NLGN1: variants seen among roughly 807,000 people sequenced by gnomAD.
The protein encoded by NLGN1 is neuroligin-1.
In NLGN1, 12 loss-of-function variants were observed where a neutral mutation model predicts 65.5. That is an observed-to-expected ratio of 0.18 (90% CI 0.12 to 0.30). The LOEUF (loss-of-function observed/expected upper bound fraction) is 0.30, where lower values mean the gene tolerates loss of function less well. Ranked by LOEUF, NLGN1 falls within the 10% of genes least tolerant of loss-of-function variation. The pLI, the probability that NLGN1 is intolerant of heterozygous loss-of-function variation, is 1.00. For missense variants in NLGN1, 750 were observed against 1,007.1 expected (o/e 0.74, Z 3.46); for synonymous variants, 350 against 359.5 (o/e 0.97, Z 0.30).
At chr3:173,599,697 T>C (rs1750110608) in intron 2 of NLGN1, among the ~76,000 whole-genome samples, 1 of 152,178 alleles carries the variant, frequency 6.6e-6, no homozygotes, top group South Asian at 2.1e-4. Flanking sequence ...CACAGACCTA[T>C]AAGTGCAAAA....
chr3:174,221,148 T>C (rs906650575), intron 4 of NLGN1, among the ~76,000 whole-genome samples: 6 of 152,050 alleles, frequency 3.9e-5, no homozygotes, highest in African/African-American at 1.5e-4. Flanking sequence ...TCCTCTGTTT[T>C]GCCAGCCCAC....
intron 3 of NLGN1, among the ~76,000 whole-genome samples, chr3:173,639,419 C>T (rs1270634626): frequency 6.6e-6 from 1 of 152,132 alleles, no homozygotes; most frequent in Non-Finnish European, 1.5e-5. Flanking sequence ...CTGGGCCAGA[C>T]CTCAGCTGCT....
chr3:173,685,166 G>A (rs1221057504), intron 3 of NLGN1, among the ~76,000 whole-genome samples: 2 of 152,120 alleles, frequency 1.3e-5, no homozygotes, highest in African/African-American at 2.4e-5. Flanking sequence ...ACAGGATGCC[G>A]AGTAGTTGCT....
chr3:174,260,158 T>A (rs1746596203), intron 4 of NLGN1, among the ~76,000 whole-genome samples: 1 of 151,596 alleles, frequency 6.6e-6, no homozygotes, highest in Non-Finnish European at 1.5e-5. Flanking sequence ...TGTGCATGTG[T>A]CTTTATAGCA....
At chr3:173,529,134 C>T (rs1736126030) in intron 2 of NLGN1, among the ~76,000 whole-genome samples, 1 of 151,996 alleles carries the variant, frequency 6.6e-6, no homozygotes, top group Non-Finnish European at 1.5e-5. Context: ...ATTTATTTCC[C>T]ACCCCACCTT....
intron 4 of NLGN1, among the ~76,000 whole-genome samples, chr3:174,137,245 A>G (rs896698049): frequency 1.5e-4 from 23 of 152,148 alleles, no homozygotes; most frequent in African/African-American, 4.8e-4. Flanking sequence ...ATATGTTTCT[A>G]TGTGTTTCCA....
intron 2 of NLGN1, among the ~76,000 whole-genome samples, chr3:173,452,235 G>T (rs1163710094): frequency 6.7e-6 from 1 of 150,000 alleles, no homozygotes; most frequent in African/African-American, 2.5e-5. Context: ...TCGCTCTGTT[G>T]CCCAGGCTGG....
chr3:173,901,647 C>G (rs1737406060), intron 4 of NLGN1, among the ~76,000 whole-genome samples: 1 of 151,988 alleles, frequency 6.6e-6, no homozygotes. Flanking sequence ...AGTAATATCT[C>G]TCTTTGTGGT....
At chr3:174,089,932 C>T (rs986529158) in intron 4 of NLGN1, among the ~76,000 whole-genome samples, 2 of 150,258 alleles carry the variant, frequency 1.3e-5, no homozygotes, top group South Asian at 2.1e-4. Context: ...ATTTGGCAGA[C>T]GTAGGTTTTA....
chr3:173,556,728 T>G (rs1327128950), intron 2 of NLGN1, among the ~76,000 whole-genome samples: 2 of 151,932 alleles, frequency 1.3e-5, no homozygotes, highest in Non-Finnish European at 2.9e-5. Flanking sequence ...TGCTTAAGCC[T>G]AGGATGTCAA....
chr3:173,812,726 A>T (rs1718208831), intron 4 of NLGN1, among the ~76,000 whole-genome samples: 1 of 147,918 alleles, frequency 6.8e-6, no homozygotes, highest in Non-Finnish European at 1.5e-5. Flanking sequence ...GTGTGTATAT[A>T]CACGCACACA....
chr3:174,085,708 T>G (rs544394387), intron 4 of NLGN1, among the ~76,000 whole-genome samples: 1 of 152,210 alleles, frequency 6.6e-6, no homozygotes, highest in Non-Finnish European at 1.5e-5. Flanking sequence ...ATTAAAAATC[T>G]AATGGGCAAA....
At chr3:173,938,321 G>A (rs1396548547) in intron 4 of NLGN1, among the ~76,000 whole-genome samples, 2 of 152,064 alleles carry the variant, frequency 1.3e-5, no homozygotes. Context: ...AGCAGAAAAT[G>A]TAAGAGCCAG....
At chr3:173,675,825 T>C (rs1316748294) in intron 3 of NLGN1, among the ~76,000 whole-genome samples, 1 of 151,452 alleles carries the variant, frequency 6.6e-6, no homozygotes, top group African/African-American at 2.4e-5. Context: ...ATAGAACTGC[T>C]CTCTTTCTCT....
intron 4 of NLGN1, among the ~76,000 whole-genome samples, chr3:173,818,400 T>C (rs918298006): frequency 7.9e-5 from 12 of 152,156 alleles, no homozygotes; most frequent in Admixed American, 2.6e-4. Flanking sequence ...CCTGCATGCA[T>C]TTACAAAATT....
At chr3:173,942,112 GTGT>G (rs1746225648) in intron 4 of NLGN1, among the ~76,000 whole-genome samples, 1 of 119,180 alleles carries the variant, frequency 8.4e-6, no homozygotes, top group South Asian at 2.8e-4. Flanking sequence ...GGTTGGGGGT[GTGT>G]GTGTGTGTGT....
chr3:174,081,035 G>T (rs557455229), intron 4 of NLGN1, among the ~76,000 whole-genome samples: 1 of 151,638 alleles, frequency 6.6e-6, no homozygotes, highest in Non-Finnish European at 1.5e-5. Context: ...AAAATTAAAC[G>T]TGAGAAATCT....
intron 3 of NLGN1, among the ~76,000 whole-genome samples, chr3:173,759,603 T>C (rs1212663234): frequency 6.6e-6 from 1 of 151,966 alleles, no homozygotes; most frequent in Admixed American, 6.6e-5. Flanking sequence ...ATTGGCCACG[T>C]AGCCATCTAC....
intron 4 of NLGN1, among the ~76,000 whole-genome samples, chr3:174,060,761 A>G (rs1737221966): frequency 6.6e-6 from 1 of 152,110 alleles, no homozygotes; most frequent in South Asian, 2.1e-4. Flanking sequence ...AAGAGAAAAT[A>G]TGTAAGAGTG....
Sources: allele counts gnomAD v4.1 joint callset (sites outside exome capture counted in the v4.1 genomes callset), GRCh38; gene constraint gnomAD v4.1.1; transcripts MANE v1.5; gene names NCBI Gene and HGNC (gene_info 2026-07-23, HGNC 2026-07-21).